Variants in LRRK1 observed in about 807,000 individuals in gnomAD.
LRRK1 encodes the protein leucine rich repeat kinase 1.
Under a neutral mutation model 209.1 loss-of-function variants are expected in LRRK1, and 113 were observed. The ratio of observed to expected loss-of-function variants is 0.54; its 90% CI spans 0.46 to 0.63. The LOEUF (loss-of-function observed/expected upper bound fraction) is 0.63, where lower values mean the gene tolerates loss of function less well. Among genes scored for constraint, LRRK1 ranks in the 30% least tolerant of loss-of-function variants. The pLI, the probability that LRRK1 is intolerant of heterozygous loss-of-function variation, is 0.00. For missense variants in LRRK1, 2,284 were observed against 2,632.2 expected (o/e 0.87, Z 2.89); for synonymous variants, 1,144 against 1,099.7 (o/e 1.04, Z -0.80).
chr15:100,961,009 G>A (rs559137224), intron 2 of LRRK1, among the ~76,000 whole-genome samples: 12 of 152,286 alleles, frequency 7.9e-5, no homozygotes, highest in Non-Finnish European at 1.5e-4. Context: ...TTCGTTTTCT[G>A]TTGCTATAAC....
chr15:101,000,136 T>C (rs1320935592), intron 6 of LRRK1, among the ~76,000 whole-genome samples: 1 of 152,208 alleles, frequency 6.6e-6, no homozygotes, highest in African/African-American at 2.4e-5. Context: ...GTCCCCCATT[T>C]TCTTGTCTCT....
chr15:100,951,976 T>A (rs868219546), intron 2 of LRRK1, among the ~76,000 whole-genome samples: 20 of 149,768 alleles, frequency 1.3e-4, no homozygotes, highest in African/African-American at 3.9e-4. Flanking sequence ...ATAATAATAA[T>A]AATAATAATA....
chr15:100,934,626 CAAAAAAAAAAAAAAA>C (rs71151991), intron 2 of LRRK1, among the ~76,000 whole-genome samples: 1 of 72,384 alleles, frequency 1.4e-5, no homozygotes, highest in African/African-American at 6.0e-5. Flanking sequence ...CCCATCTCTA[CAAAAAAAAAAAAAAA>C]AAAAAAAAAA....
rs1160180569 is a variant in LRRK1, at chr15:101,074,786, A to G, written c.*5938A>G. ...CTGCAGCGGCCAGGCATTCCTCCAG[A>G]ACCTCCTCCCCCAGGAGCTTGCTAC... On this transcript the variant is annotated 3_prime_UTR_variant, in exon 34 of 34. Transcript: ENST00000388948. 3.3e-5 allele frequency: 5 copies of G among 152,000 alleles called. No homozygotes were observed. Among genetic ancestry groups the G allele is most frequent in the Non-Finnish European group, 7.4e-5 (5 of 68,002 alleles). The allele number at this position is 152,000 out of a possible 1,614,324, so 9.4% of individuals were successfully genotyped here. A position where few individuals can be genotyped will look rare whatever the true frequency, so the allele number is the denominator to read the frequency against.
Position 101,068,687 on chromosome 15 carries a change from G to A in LRRK1, c.5887G>A (p.Ala1963Thr), listed in dbSNP as rs2036666358. ...LTPHGVLVDA[A>T]VVAKDTVVCT... is the part of the protein sequence containing the mutation. ...TCTCTGCAGGGTGCTGGTGGATGCTGCCGTGGTGGCAAAGGACACTGTTGT... is the reference window on the plus strand; with the variant it reads ...TCTCTGCAGGGTGCTGGTGGATGCTACCGTGGTGGCAAAGGACACTGTTGT... The change falls in exon 34 of 34, where the codon GCC becomes ACC. Residue 1963 changes from alanine (A) to threonine (T), a missense_variant. By Grantham distance (58) the Ala-to-Thr change is moderately conservative. Coordinates refer to ENST00000388948, the MANE Select transcript of LRRK1 (RefSeq NM_024652.6). 1 of 1,601,962 alleles carries A rather than the reference G, an allele frequency of 6.2e-7. No individual in the cohort carries two copies. The highest frequency in any genetic ancestry group is 1.3e-5 in the African/African-American group (1 of 74,768).
chr15:100,973,561 C>A (rs1244248259), intron 2 of LRRK1, among the ~76,000 whole-genome samples: 1 of 152,176 alleles, frequency 6.6e-6, no homozygotes, highest in Non-Finnish European at 1.5e-5. Flanking sequence ...CTCCAGGTGG[C>A]GGTCTCGCTG....
At chr15:100,961,389 T>C (rs1439026567) in intron 2 of LRRK1, among the ~76,000 whole-genome samples, 2 of 152,088 alleles carry the variant, frequency 1.3e-5, no homozygotes, top group African/African-American at 2.4e-5. Flanking sequence ...GCGCGGTGGC[T>C]CACGCCTGTA....
At chr15:100,925,680 T>C (rs1289575240) in intron 2 of LRRK1, among the ~76,000 whole-genome samples, 1 of 152,254 alleles carries the variant, frequency 6.6e-6, no homozygotes, top group Non-Finnish European at 1.5e-5. Flanking sequence ...TCCCTTAGTA[T>C]GTACCAGGCA....
At chr15:101,017,426 G>C (rs1429825418) in intron 12 of LRRK1, among the ~76,000 whole-genome samples, 1 of 152,142 alleles carries the variant, frequency 6.6e-6, no homozygotes, top group Non-Finnish European at 1.5e-5. Flanking sequence ...AGTAAACATA[G>C]AAATACATCG....
chr15:100,985,716 A>G (rs1317516379), intron 4 of LRRK1, among the ~76,000 whole-genome samples: 1 of 152,236 alleles, frequency 6.6e-6, no homozygotes, highest in Non-Finnish European at 1.5e-5. Flanking sequence ...TCCCAGGAGC[A>G]TCGTATCTTC....
At chr15:101,026,227 CTG>C (rs2141101223) in intron 17 of LRRK1, 90 bp downstream of exon 17, 1 of 1,327,968 alleles carries the variant, frequency 7.5e-7, no homozygotes, top group African/African-American at 1.4e-5. Context: ...GCTCCTGAGT[CTG>C]GGTGGGGCTA....
chr15:100,921,547 CT>C (rs1567179659), intron 1 of LRRK1, among the ~76,000 whole-genome samples: 2 of 151,884 alleles, frequency 1.3e-5, no homozygotes, highest in African/African-American at 4.8e-5. Context: ...CTTCTAACTT[CT>C]AACTGATATC....
At chr15:100,981,666 C>A (rs1448201414) in intron 3 of LRRK1, among the ~76,000 whole-genome samples, 2 of 152,172 alleles carry the variant, frequency 1.3e-5, no homozygotes, top group Admixed American at 1.3e-4. Context: ...ATGATAAACT[C>A]CCTAACCATG....
chr15:100,989,495 T>C lies in LRRK1; in HGVS notation c.762+97T>C, dbSNP rs993360545. On this transcript the variant is annotated intron_variant, in intron 6 of 33. Coordinates refer to ENST00000388948, the MANE Select transcript of LRRK1 (RefSeq NM_024652.6). Reference sequence around the variant, plus strand: ...GTAATTTATAATAAACAGAAATATATTTGGCTTACAGGTCTGGAGATTGAG... The same window carrying C: ...GTAATTTATAATAAACAGAAATATACTTGGCTTACAGGTCTGGAGATTGAG... 8 of 1,340,854 alleles carry C rather than the reference T, an allele frequency of 6.0e-6. No individual in the cohort carries two copies. The African/African-American group carries it at 7.3e-5, about 12-fold the overall frequency. The allele number at this position is 1,340,854 out of a possible 1,614,324, so 83.1% of individuals were successfully genotyped here.
rs2036916345 is a variant in LRRK1 at position 101,074,571 on chromosome 15, TCACC to T, written c.*5726_*5729del. 1 of 152,158 alleles carries T rather than the reference TCACC, an allele frequency of 6.6e-6. No homozygotes were observed. The highest frequency in any genetic ancestry group is 2.1e-4 in the South Asian group (1 of 4,832). The allele number at this position is 152,158 out of a possible 1,614,324, so 9.4% of individuals were successfully genotyped here. ...CGTCTTATTCTCAATATATATTTTA[TCACC>T]CAATCTGCTCCCTACATTAAATAAA... On this transcript the variant is annotated 3_prime_UTR_variant, in exon 34 of 34. Coordinates refer to ENST00000388948, the MANE Select transcript of LRRK1 (RefSeq NM_024652.6).
intron 20 of LRRK1, chr15:101,043,621 T>TGC (rs1032802737): frequency 1.3e-5 from 2 of 152,064 alleles, no homozygotes; most frequent in African/African-American, 4.8e-5. Flanking sequence ...TGTGTGTGTG[T>TGC]GTGTGTGTTG....
intron 13 of LRRK1, 58 bp from the exon 14 acceptor site, chr15:101,021,787 T>C (rs76007218): frequency 6.8e-3 from 529 of 78,264 alleles, no homozygotes; most frequent in South Asian, 0.013. Flanking sequence ...TGTGTGTGTG[T>C]GTGTGTGTGT....
rs3764740 is a variant in LRRK1 at position 101,066,085 on chromosome 15, C to T, written c.5648C>T (p.Thr1883Met). ...TDCEDSDMLH[T>M]PGAASDRSEH... ...TGCGAGGACTCAGACATGCTACATA[C>T]GCCCGGTGCTGCCTCCGACAGGTCT... The change falls in exon 32 of 34, where the codon ACG becomes ATG. Residue 1883 changes from threonine (T) to methionine (M), a missense_variant. Coordinates refer to ENST00000388948, the MANE Select transcript of LRRK1 (RefSeq NM_024652.6). The T allele has an allele frequency of 7.1e-4, 1,152 of 1,614,136 alleles. 25 individuals carry two copies. In the East Asian group the frequency reaches 0.021, roughly 30 times the overall value.
In LRRK1 at chr15:101,021,970, C is replaced by T. The variant is rs754616335; in HGVS notation, c.1852+13C>T. ...ATCCAAAAAGAAGGTAGGGCTTCCGCAGCCCTGTCCCCTGCCATCACCTCT... is the reference window on the plus strand; with the variant it reads ...ATCCAAAAAGAAGGTAGGGCTTCCGTAGCCCTGTCCCCTGCCATCACCTCT... On this transcript the variant is annotated intron_variant, in intron 14 of 33. Transcript: ENST00000388948. The T allele has an allele frequency of 6.4e-7, 1 of 1,553,728 alleles. No homozygotes were observed. Among genetic ancestry groups the T allele is most frequent in the Non-Finnish European group, 8.9e-7 (1 of 1,126,182 alleles).
Sources: gnomAD v4.1 joint callset for allele counts (sites outside exome capture counted in the v4.1 genomes callset) on GRCh38, gnomAD v4.1.1 for gene constraint, MANE v1.5 for transcripts, NCBI Gene and HGNC (gene_info 2026-07-23, HGNC 2026-07-21) for gene names.